RERE: variants seen among roughly 807,000 people sequenced by gnomAD.
RERE encodes the protein arginine-glutamic acid dipeptide repeats.
In RERE, 40 loss-of-function variants were observed where a neutral mutation model predicts 146.1. That is an observed-to-expected ratio of 0.27 (90% CI 0.21 to 0.36). The LOEUF is 0.36. Ranked by LOEUF, RERE falls within the 10% of genes least tolerant of loss-of-function variation. RERE has a pLI of 1.00. For missense variants in RERE, 1,933 were observed against 2,138.7 expected (o/e 0.90, Z 1.90); for synonymous variants, 1,003 against 866.0 (o/e 1.16, Z -2.78).
At chr1:8,618,045 A>C (rs1402019220) in intron 3 of RERE, among the ~76,000 whole-genome samples, 1 of 152,250 alleles carries the variant, frequency 6.6e-6, no homozygotes, top group African/African-American at 2.4e-5. Context: ...AAAAATACTT[A>C]TCCAGTGAAT....
chr1:8,465,835 C>T lies in RERE; in HGVS notation c.1203+90G>A, dbSNP rs1303020910. 4.6e-6 allele frequency: 5 copies of T among 1,094,374 alleles called. No individual in the cohort carries two copies. The South Asian group carries it at 5.1e-5, about 11-fold the overall frequency. 67.8% of individuals were successfully genotyped at this position (1,094,374 alleles called of 1,614,324 possible). Reference sequence around the variant, plus strand: ...CAGCCATTCTGCATGACTGAAGCTTCTGCTTTCCCTGAGCAGCAGGGAGGT... The same window carrying T: ...CAGCCATTCTGCATGACTGAAGCTTTTGCTTTCCCTGAGCAGCAGGGAGGT... On this transcript the variant is annotated intron_variant, in intron 11 of 22. Coordinates refer to ENST00000400908, the MANE Select transcript of RERE (RefSeq NM_001042681.2).
At chr1:8,444,986 A>G (rs1644299468) in intron 11 of RERE, among the ~76,000 whole-genome samples, 1 of 152,190 alleles carries the variant, frequency 6.6e-6, no homozygotes, top group Admixed American at 6.5e-5. Context: ...GTAATATTTA[A>G]AAGAGTGAGG....
In RERE at chr1:8,730,334, GTTTT is replaced by G. The variant is rs777857928; in HGVS notation, c.-144-73897_-144-73894del. Among the ~76,000 whole-genome samples, 3 of 151,910 alleles carry G rather than the reference GTTTT, an allele frequency of 2.0e-5. No individual in the cohort carries two copies. In the South Asian group the frequency reaches 6.2e-4, roughly 32 times the overall value. On this transcript the variant is annotated intron_variant, in intron 1 of 22. Coordinates refer to ENST00000400908, the MANE Select transcript of RERE (RefSeq NM_001042681.2). ...GTAATTTCCCCCATTTGTTTTTGGG[GTTTT>G]TTTTGTTTTTGTTTTTGTTTTTGAG...
chr1:8,611,230 ACAG>A (rs1646789609), intron 4 of RERE, among the ~76,000 whole-genome samples: 2 of 151,912 alleles, frequency 1.3e-5, no homozygotes, highest in South Asian at 4.2e-4. Flanking sequence ...ACAGCCAGGT[ACAG>A]TGGCTCACAC....
intron 7 of RERE, among the ~76,000 whole-genome samples, chr1:8,539,236 G>C (rs2124385969): frequency 6.6e-6 from 1 of 152,188 alleles, no homozygotes; most frequent in East Asian, 1.9e-4. Context: ...CTGGGCAACA[G>C]GAAGACATGA....
chr1:8,481,860 C>T (rs1405672709), intron 10 of RERE, among the ~76,000 whole-genome samples: 1 of 152,192 alleles, frequency 6.6e-6, no homozygotes, highest in East Asian at 1.9e-4. Context: ...TTCTTATAAG[C>T]TGAGACTGCA....
chr1:8,356,373 C>T lies in RERE; in HGVS notation c.4340-127G>A. On this transcript the variant is annotated intron_variant, in intron 20 of 22. Transcript: ENST00000400908. This position sits in a 1 kb window ranked among gnomAD's most constrained non-coding sequence, Gnocchi z 5.2. ...CTCCTGGTCACCAGGGCTGGATGCA[C>T]CACCTGGCTACAGGTGGCCCTGCCC... 8.9e-7 allele frequency: 1 copy of T among 1,118,316 alleles called. No homozygotes were observed. The highest frequency in any genetic ancestry group is 1.2e-6 in the Non-Finnish European group (1 of 843,292). 69.3% of individuals were successfully genotyped at this position (1,118,316 alleles called of 1,614,324 possible).
At chr1:8,388,526 A>C (rs1012690583) in intron 12 of RERE, among the ~76,000 whole-genome samples, 3 of 151,670 alleles carry the variant, frequency 2.0e-5, no homozygotes, top group Admixed American at 2.0e-4. Flanking sequence ...TCACCTTGTT[A>C]GCCAGGATGG....
At chr1:8,692,341 A>G (rs1220571970) in intron 1 of RERE, among the ~76,000 whole-genome samples, 2 of 110,162 alleles carry the variant, frequency 1.8e-5, no homozygotes, top group African/African-American at 3.7e-5. Context: ...ATTCTCCCAT[A>G]TACTTTTTTT....
At chr1:8,686,222 A>G (rs925121783) in intron 1 of RERE, among the ~76,000 whole-genome samples, 4 of 152,050 alleles carry the variant, frequency 2.6e-5, no homozygotes, top group African/African-American at 9.7e-5. Context: ...GGATCAAGCA[A>G]TCCGCTCGTC....
At chr1:8,498,326 C>G (rs899696870) in intron 8 of RERE, among the ~76,000 whole-genome samples, 1 of 151,860 alleles carries the variant, frequency 6.6e-6, no homozygotes, top group Non-Finnish European at 1.5e-5. Context: ...CCACTGCATT[C>G]CAGCCTGGGA....
intron 10 of RERE, among the ~76,000 whole-genome samples, chr1:8,477,812 C>T (rs1644775140): frequency 6.6e-6 from 1 of 151,960 alleles, no homozygotes; most frequent in Non-Finnish European, 1.5e-5. Flanking sequence ...TAAGGTTATG[C>T]AAACAACAGT....
intron 4 of RERE, among the ~76,000 whole-genome samples, chr1:8,564,826 A>ATGTGTGTGTGTG (rs796133984): frequency 0.019 from 2,174 of 117,310 alleles, 37 homozygotes; most frequent in East Asian, 0.063. Context: ...GTGTGTGTAT[A>ATGTGTGTGTGTG]TGTGTATGTG....
chr1:8,561,141 G>A (rs1646073472), intron 4 of RERE, among the ~76,000 whole-genome samples: 2 of 152,110 alleles, frequency 1.3e-5, no homozygotes, highest in Non-Finnish European at 2.9e-5. Context: ...AACTGCTTTG[G>A]TTTATTTGTA....
chr1:8,369,811 A>G (rs1447733897), intron 12 of RERE, among the ~76,000 whole-genome samples: 1 of 152,028 alleles, frequency 6.6e-6, no homozygotes, highest in African/African-American at 2.4e-5. Flanking sequence ...TTTTTTTGAG[A>G]CGGAGTCTTG....
intron 1 of RERE, among the ~76,000 whole-genome samples, chr1:8,759,876 CAATAT>C (rs955413297): frequency 4.0e-5 from 6 of 150,690 alleles, no homozygotes; most frequent in Admixed American, 2.6e-4. Flanking sequence ...CACACACACA[CAATAT>C]GTCTTGATGA....
At chr1:8,506,665 T>G (rs776638453) in intron 8 of RERE, among the ~76,000 whole-genome samples, 10 of 152,166 alleles carry the variant, frequency 6.6e-5, no homozygotes, top group Admixed American at 5.9e-4. Flanking sequence ...TCTTTCCTCA[T>G]GGTTTAGAAA....
intron 12 of RERE, among the ~76,000 whole-genome samples, chr1:8,385,601 C>T (rs952719546): frequency 6.6e-6 from 1 of 152,014 alleles, no homozygotes; most frequent in African/African-American, 2.4e-5. Context: ...GGTGACCAAA[C>T]AAAACAATGT....
At chr1:8,547,902 C>CGTTCCCAATGATAAGA (rs1645885271) in intron 6 of RERE, among the ~76,000 whole-genome samples, 1 of 152,104 alleles carries the variant, frequency 6.6e-6, no homozygotes, top group South Asian at 2.1e-4. Flanking sequence ...TATATATGCA[C>CGTTCCCAATGATAAGA]AAAGATATTC....
Sources: gnomAD v4.1 joint callset for allele counts (sites outside exome capture counted in the v4.1 genomes callset) on GRCh38, gnomAD v4.1.1 for gene constraint, Gnocchi (gnomAD v3.1) non-coding constraint, MANE v1.5 for transcripts, NCBI Gene and HGNC (gene_info 2026-07-23, HGNC 2026-07-21) for gene names.